The following ANKS1B variants were observed in gnomAD, a reference collection of about 807,000 sequenced individuals.
ANKS1B encodes ankyrin repeat and sterile alpha motif domain-containing protein 1B.
ANKS1B carries 36 observed loss-of-function variants against 148.3 expected under a neutral mutation model. That is an observed-to-expected ratio of 0.24 (90% CI 0.19 to 0.32). ANKS1B has a LOEUF of 0.32. Among genes scored for constraint, ANKS1B ranks in the 10% least tolerant of loss-of-function variants. ANKS1B has a pLI of 1.00. For missense variants in ANKS1B, 1,157 were observed against 1,542.6 expected (o/e 0.75, Z 4.19); for synonymous variants, 542 against 560.8 (o/e 0.97, Z 0.47).
intron 9 of ANKS1B, among the ~76,000 whole-genome samples, chr12:99,538,816 C>G (rs2153113326): frequency 6.6e-6 from 1 of 152,250 alleles, no homozygotes. Context: ...TGTCATGTTC[C>G]AGATTTTAGA....
At chr12:99,437,734 T>A (rs1030292234) in intron 11 of ANKS1B, among the ~76,000 whole-genome samples, 1 of 151,970 alleles carries the variant, frequency 6.6e-6, no homozygotes, top group Non-Finnish European at 1.5e-5. Flanking sequence ...TGAGTCCCTA[T>A]CATTCATGTC....
At chr12:99,793,843 C>T (rs143511065) in intron 4 of ANKS1B, among the ~76,000 whole-genome samples, 2,537 of 152,054 alleles carry the variant, frequency 0.017, 69 homozygotes, top group African/African-American at 0.057. Flanking sequence ...AGTTAAAAAG[C>T]TTCTGCACAG....
chr12:99,412,479 G>A (rs2094743710), intron 11 of ANKS1B, among the ~76,000 whole-genome samples: 1 of 152,196 alleles, frequency 6.6e-6, no homozygotes, highest in Non-Finnish European at 1.5e-5. Flanking sequence ...ATTCTTCGCA[G>A]AGGTCTAATG....
chr12:99,412,546 G>T (rs1458505742), intron 11 of ANKS1B, among the ~76,000 whole-genome samples: 3 of 152,114 alleles, frequency 2.0e-5, no homozygotes, highest in Non-Finnish European at 4.4e-5. Flanking sequence ...CACCAGTGTT[G>T]GATGGTGGGC....
downstream of ANKS1B, chr12:98,743,875 A>G (rs892969432): frequency 7.2e-6 from 4 of 557,184 alleles, no homozygotes; most frequent in Non-Finnish European, 9.1e-6. Flanking sequence ...TGCCAATTAA[A>G]AAAGTCCCTT....
chr12:99,606,251 G>A lies in ANKS1B; in HGVS notation c.1272+48816C>T, dbSNP rs139982767. ...TCTCATTATTAACCCCTTGTCAGATGCATAGTTTACAAATGTTTTTTGGTA... is the reference window on the plus strand; with the variant it reads ...TCTCATTATTAACCCCTTGTCAGATACATAGTTTACAAATGTTTTTTGGTA... On this transcript the variant is annotated intron_variant, in intron 9 of 26. Transcript: ENST00000683438. 1.1e-3 allele frequency among the ~76,000 whole-genome samples: 164 copies of A among 151,872 alleles called. 3 individuals carry two copies. The highest frequency in any genetic ancestry group is 1.6e-4 in the Non-Finnish European group (11 of 67,918).
At chr12:99,298,412 T>C (rs2081182347) in intron 12 of ANKS1B, among the ~76,000 whole-genome samples, 1 of 152,212 alleles carries the variant, frequency 6.6e-6, no homozygotes, top group South Asian at 2.1e-4. Flanking sequence ...CATGTCCTCT[T>C]GTCTGCCACC....
intron 1 of ANKS1B, among the ~76,000 whole-genome samples, chr12:99,876,516 A>G (rs1441564179): frequency 1.3e-5 from 2 of 152,148 alleles, no homozygotes; most frequent in African/African-American, 4.8e-5. Flanking sequence ...TGAGGTCAGG[A>G]GTTCAAAACC....
intron 12 of ANKS1B, among the ~76,000 whole-genome samples, chr12:99,261,702 G>A (rs896318872): frequency 1.3e-5 from 2 of 151,936 alleles, no homozygotes; most frequent in Admixed American, 6.6e-5. Context: ...CTGGATTATT[G>A]TAGCAGCCTC....
intron 9 of ANKS1B, among the ~76,000 whole-genome samples, chr12:99,517,060 G>A (rs929767895): frequency 6.6e-6 from 1 of 151,992 alleles, no homozygotes; most frequent in Non-Finnish European, 1.5e-5. Flanking sequence ...AAATATCATT[G>A]GTATTTGAGT....
intron 12 of ANKS1B, among the ~76,000 whole-genome samples, chr12:99,388,718 G>C (rs185209754): frequency 1.7e-4 from 26 of 152,294 alleles, no homozygotes; most frequent in Admixed American, 4.6e-4. Context: ...TCATCTGAGG[G>C]CCAGGGTCCT....
At chr12:99,685,930 T>A (rs1053101825) in intron 8 of ANKS1B, among the ~76,000 whole-genome samples, 1 of 152,142 alleles carries the variant, frequency 6.6e-6, no homozygotes, top group Admixed American at 6.5e-5. Flanking sequence ...AGCTAAGCTA[T>A]GAAGATACAA....
chr12:99,928,607 A>C (rs1391289329), intron 1 of ANKS1B, among the ~76,000 whole-genome samples: 1 of 152,196 alleles, frequency 6.6e-6, no homozygotes, highest in Non-Finnish European at 1.5e-5. Flanking sequence ...GCTGCTGACA[A>C]ATATTAAAGT....
chr12:99,009,680 G>C (rs1359579097), intron 17 of ANKS1B, among the ~76,000 whole-genome samples: 2 of 152,002 alleles, frequency 1.3e-5, no homozygotes, highest in Non-Finnish European at 1.5e-5. Context: ...AGAAAGTTGG[G>C]GAAGCTAGGC....
Position 99,401,650 on chromosome 12 carries a change from C to T in ANKS1B, c.1576-1839G>A, listed in dbSNP as rs1022972965. ...TACACTAAACTGCAGATATCATGCACGTAAGCACTGTGATAGGAATAAAAC... is the reference window on the plus strand; with the variant it reads ...TACACTAAACTGCAGATATCATGCATGTAAGCACTGTGATAGGAATAAAAC... On this transcript the variant is annotated intron_variant, in intron 11 of 26. Transcript: ENST00000683438. Among the ~76,000 whole-genome samples, 22 of 146,586 alleles carry T rather than the reference C, an allele frequency of 1.5e-4. 2 individuals are homozygous for T. The highest frequency in any genetic ancestry group is 2.6e-4 in the Non-Finnish European group (17 of 66,250).
intron 12 of ANKS1B, among the ~76,000 whole-genome samples, chr12:99,398,739 T>G (rs981394757): frequency 2.0e-5 from 3 of 152,086 alleles, no homozygotes; most frequent in African/African-American, 7.2e-5. Context: ...ATTTTACCCA[T>G]AGCCATCACT....
intron 15 of ANKS1B, among the ~76,000 whole-genome samples, chr12:99,141,573 C>G (rs2070784245): frequency 6.6e-6 from 1 of 151,730 alleles, no homozygotes; most frequent in Non-Finnish European, 1.5e-5. Context: ...TGATGCTCTC[C>G]CTCCCCCAAC....
chr12:99,920,603 T>G (rs1475658200), intron 1 of ANKS1B, among the ~76,000 whole-genome samples: 1 of 152,026 alleles, frequency 6.6e-6, no homozygotes, highest in African/African-American at 2.4e-5. Context: ...TTACATAGTT[T>G]AAAAGTCCCT....
In ANKS1B at chr12:99,929,594, T is replaced by G. The variant is rs562229122; in HGVS notation, c.134+54510A>C. Among the ~76,000 whole-genome samples the G allele has an allele frequency of 1.2e-3, 182 of 152,296 alleles. 1 individual carries two copies. Among genetic ancestry groups the G allele is most frequent in the African/African-American group, 3.8e-3 (159 of 41,554 alleles). ...GCCCATGCCTATGTTCTGAATGGTA[T>G]TGCCTAGGTTTTCTTCTAGGGTTTT... On this transcript the variant is annotated intron_variant, in intron 1 of 26. Transcript: ENST00000683438.
Sources: allele counts gnomAD v4.1 joint callset (sites outside exome capture counted in the v4.1 genomes callset), GRCh38; gene constraint gnomAD v4.1.1; transcripts MANE v1.5; gene names NCBI Gene and HGNC (gene_info 2026-07-23, HGNC 2026-07-21).